Variants in RAB11FIP3 observed in about 807,000 individuals in gnomAD.
RAB11FIP3 encodes the protein RAB11 family interacting protein 3.
A neutral mutation model predicts 77.8 loss-of-function variants in RAB11FIP3; 17 were observed. The observed-to-expected ratio is 0.22, with a 90% CI of 0.15 to 0.33. The LOEUF is 0.33. Among genes scored for constraint, RAB11FIP3 ranks in the 10% least tolerant of loss-of-function variants. The probability of loss-of-function intolerance (pLI) is 1.00; values close to 1 mark genes in which losing one functional copy is unlikely to be tolerated. For synonymous variants in RAB11FIP3, 437 were observed against 448.2 expected, an observed-to-expected ratio of 0.98 and a Z score of 0.31; for missense variants, 1,005 against 1,011.2, an observed-to-expected ratio of 0.99 and a Z score of 0.08.
chr16:492,182 C>G (rs1250008474), intron 5 of RAB11FIP3, among the ~76,000 whole-genome samples: 1 of 152,220 alleles, frequency 6.6e-6, no homozygotes, highest in Non-Finnish European at 1.5e-5. Flanking sequence ...CCTCTAGTTC[C>G]ATTTCCAGGG....
chr16:458,248 A>G (rs754267715), intron 1 of RAB11FIP3, among the ~76,000 whole-genome samples: 8 of 152,234 alleles, frequency 5.3e-5, no homozygotes, highest in Non-Finnish European at 1.2e-4. Flanking sequence ...GGGCGATGCT[A>G]TAGCCTTGCT....
intron 1 of RAB11FIP3, among the ~76,000 whole-genome samples, chr16:442,215 C>T (rs560677492): frequency 7.2e-4 from 109 of 152,334 alleles, no homozygotes; most frequent in African/African-American, 2.3e-3. Context: ...GGCTCTGTCA[C>T]AGTCACTGCA....
rs1017095026 is a variant in RAB11FIP3, at chr16:514,687, G to A, written c.1640+3887G>A. Among the ~76,000 whole-genome samples, 6 of 152,212 alleles carry A rather than the reference G, an allele frequency of 3.9e-5. No individual in the cohort carries two copies. The highest frequency in any genetic ancestry group is 1.4e-4 in the African/African-American group (6 of 41,442). ...ACACAGGGCCCGGGAGAGGTTCTAG[G>A]AAAGGCCAGGTACCTCTGGGAGTGG... On this transcript the variant is annotated intron_variant, in intron 9 of 13. Transcript: ENST00000262305. The surrounding 1 kb of genome is among the most constrained non-coding windows in gnomAD (Gnocchi z 4.6).
intron 1 of RAB11FIP3, among the ~76,000 whole-genome samples, chr16:441,545 A>G (rs1218073770): frequency 6.6e-6 from 1 of 152,216 alleles, no homozygotes; most frequent in Non-Finnish European, 1.5e-5. Flanking sequence ...CAGTCATAAA[A>G]TAATCGCTAT....
chr16:426,450 C>T lies in RAB11FIP3; in HGVS notation c.444C>T (p.Ser148=). The part of the protein sequence containing the change: ...PESAPFRLQG[S]SSSHRARGEV... ...GCGCGCCTTTCCGCTTGCAGGGGTC[C>T]AGCAGCAGCCACCGAGCGCGGGGCG... The change falls in exon 1 of 14, where the codon TCC becomes TCT. Residue 148 remains serine, a synonymous_variant. Transcript: ENST00000262305. The surrounding 1 kb of genome is among the most constrained non-coding windows in gnomAD (Gnocchi z 5.0). 6.3e-7 allele frequency: 1 copy of T among 1,584,466 alleles called. No individual in the cohort carries two copies. Among genetic ancestry groups the T allele is most frequent in the South Asian group, 1.1e-5 (1 of 87,246 alleles).
At chr16:429,759 A>G (rs1414416799) in intron 1 of RAB11FIP3, among the ~76,000 whole-genome samples, 1 of 152,120 alleles carries the variant, frequency 6.6e-6, no homozygotes, top group African/African-American at 2.4e-5. Flanking sequence ...CGGCCTCCCA[A>G]AGTGCTGGGA....
Position 456,640 on chromosome 16 carries a change from C to T in RAB11FIP3, c.715-4764C>T, listed in dbSNP as rs368558620. Among the ~76,000 whole-genome samples, 6 of 151,988 alleles carry T rather than the reference C, an allele frequency of 3.9e-5. No individual in the cohort carries two copies. The East Asian group carries it at 9.6e-4, about 24-fold the overall frequency. ...GGGCATGGTGGAAGGTAGCTGTAAT[C>T]GCAACTACTTGGGAGGCTGAGGCAG... On this transcript the variant is annotated intron_variant, in intron 1 of 13. Coordinates refer to ENST00000262305, the MANE Select transcript of RAB11FIP3 (RefSeq NM_014700.4).
Position 492,394 on chromosome 16 carries a change from C to CCCGGGAGACCCGAGGCCGCCCAGAGCCCT in RAB11FIP3, c.1265+3396_1265+3397insGGGAGACCCGAGGCCGCCCAGAGCCCTCC. Among the ~76,000 whole-genome samples, 131 of 32,062 alleles carry CCCGGGAGACCCGAGGCCGCCCAGAGCCCT rather than the reference C, an allele frequency of 4.1e-3. 5 individuals carry two copies. Among genetic ancestry groups the CCCGGGAGACCCGAGGCCGCCCAGAGCCCT allele is most frequent in the Middle Eastern group, 0.019 (1 of 52 alleles). The allele number at this position is 32,062 out of a possible 152,430, so 21.0% of individuals were successfully genotyped here. On this transcript the variant is annotated intron_variant, in intron 5 of 13. Transcript: ENST00000262305. ...GAGACCCGAGGCCGCCCAGAGCCCT[C>CCCGGGAGACCCGAGGCCGCCCAGAGCCCT]CCCGGGAGACCCGAGGCCGCCCAGG...
At chr16:488,155 T>C (rs906044737) in intron 4 of RAB11FIP3, among the ~76,000 whole-genome samples, 4 of 152,032 alleles carry the variant, frequency 2.6e-5, no homozygotes, top group Non-Finnish European at 5.9e-5. Context: ...CCGAGGTGGG[T>C]GGATCACGAG....
rs908442986 is a variant in RAB11FIP3 at position 514,725 on chromosome 16, CT to C, written c.1640+3927del. Among the ~76,000 whole-genome samples the C allele has an allele frequency of 1.1e-3, 165 of 152,314 alleles. No homozygotes were observed. Among genetic ancestry groups the C allele is most frequent in the African/African-American group, 3.8e-3 (157 of 41,572 alleles). ...CCTCTGGGAGTGGGGCCCCCAGGGG[CT>C]TCCAGAAAGTATGGGAGCCCCTGGC... is the stretch of plus-strand genomic sequence containing the variant. On this transcript the variant is annotated intron_variant, in intron 9 of 13. Transcript: ENST00000262305. This position sits in a 1 kb window ranked among gnomAD's most constrained non-coding sequence, Gnocchi z 4.6.
rs149272706 is a variant in RAB11FIP3 at position 475,446 on chromosome 16, G to A, written c.903+4057G>A. 3.8e-3 allele frequency among the ~76,000 whole-genome samples: 584 copies of A among 152,290 alleles called. 3 individuals carry two copies. Among genetic ancestry groups the A allele is most frequent in the Middle Eastern group, 0.01 (3 of 294 alleles). On this transcript the variant is annotated intron_variant, in intron 3 of 13. Coordinates refer to ENST00000262305, the MANE Select transcript of RAB11FIP3 (RefSeq NM_014700.4). The stretch of plus-strand genomic sequence containing the variant: ...GCAAATAAAATAAACTGCCGGGGCC[G>A]GTGTGAGCTGTTACTGCATTTTATC...
In RAB11FIP3 at chr16:426,193, G is replaced by A; in HGVS notation, c.187G>A (p.Ala63Thr). The A allele has an allele frequency of 9.8e-7, 1 of 1,017,132 alleles. No individual in the cohort carries two copies. The allele number at this position is 1,017,132 out of a possible 1,614,324, so 63.0% of individuals were successfully genotyped here. A position where few individuals can be genotyped will look rare whatever the true frequency, so the allele number is the denominator to read the frequency against. The change falls in exon 1 of 14, where the codon GCT (alanine) becomes ACT (threonine). Residue 63 changes from alanine to threonine, a missense_variant. Around this residue, in one of 4 missense-constraint regions of RAB11FIP3, gnomAD observed 466 missense variants for 408.3 expected, o/e 1.14. Transcript: ENST00000262305. The surrounding 1 kb of genome is among the most constrained non-coding windows in gnomAD (Gnocchi z 5.0). Reference sequence around the variant, plus strand: ...CCTGGATGAGCCTGCGCCCGGGGCCGCTGCAGATGGCGGGGCGCGTTGGAG... The same window carrying A: ...CCTGGATGAGCCTGCGCCCGGGGCCACTGCAGATGGCGGGGCGCGTTGGAG... ...PGLDEPAPGA[A>T]ADGGARWSAG...
At position 520,970 on chromosome 16, in the gene RAB11FIP3, C is replaced by A. The variant is rs1313367520; in HGVS notation, c.*131C>A. ...CCAGAGCATGCAGGGAACCCTCGTG[C>A]AGCTGAGCTGGGGCCGCCAAAGACC... On this transcript the variant is annotated 3_prime_UTR_variant, in exon 14 of 14. Transcript: ENST00000262305. The A allele has an allele frequency of 3.9e-6, 3 of 762,094 alleles. No individual in the cohort carries two copies. The highest frequency in any genetic ancestry group is 6.7e-6 in the Non-Finnish European group (3 of 446,382). 47.2% of individuals were successfully genotyped at this position (762,094 alleles called of 1,614,324 possible). A position where few individuals can be genotyped will look rare whatever the true frequency, so the allele number is the denominator to read the frequency against.
At chr16:480,101 A>G (rs528342297) in intron 3 of RAB11FIP3, among the ~76,000 whole-genome samples, 1 of 152,176 alleles carries the variant, frequency 6.6e-6, no homozygotes, top group African/African-American at 2.4e-5. Flanking sequence ...GGCCTGGCCA[A>G]CGTGGTGAAA....
chr16:499,800 A>G (rs2031390939), intron 6 of RAB11FIP3, among the ~76,000 whole-genome samples: 1 of 151,384 alleles, frequency 6.6e-6, no homozygotes, highest in Non-Finnish European at 1.5e-5. Flanking sequence ...TGTCTCAAAA[A>G]AAAAAAAAAA....
chr16:492,251 C>T (rs1453879928), intron 5 of RAB11FIP3, among the ~76,000 whole-genome samples: 2 of 152,158 alleles, frequency 1.3e-5, no homozygotes, highest in Admixed American at 6.5e-5. Context: ...CCAGCCAGTG[C>T]CCATTCAGGT....
chr16:436,629 C>T (rs1248059832), intron 1 of RAB11FIP3, among the ~76,000 whole-genome samples: 2 of 152,096 alleles, frequency 1.3e-5, no homozygotes, highest in Non-Finnish European at 1.5e-5. Context: ...CTATAAATGC[C>T]TGCCAGCACA....
At chr16:486,208 G>A (rs2056150489) in intron 4 of RAB11FIP3, among the ~76,000 whole-genome samples, 1 of 152,132 alleles carries the variant, frequency 6.6e-6, no homozygotes, top group South Asian at 2.1e-4. Context: ...TAGTTTTTAA[G>A]CAGTATAACT....
At chr16:455,657 G>A (rs1037601232) in intron 1 of RAB11FIP3, among the ~76,000 whole-genome samples, 2 of 151,960 alleles carry the variant, frequency 1.3e-5, no homozygotes, top group Admixed American at 6.6e-5. Flanking sequence ...ATGCAGTGAC[G>A]CAATCATGGC....
Sources: allele counts gnomAD v4.1 joint callset (sites outside exome capture counted in the v4.1 genomes callset), GRCh38; gene constraint gnomAD v4.1.1; regional missense constraint gnomAD v4.1.1; non-coding constraint Gnocchi (gnomAD v3.1); transcripts MANE v1.5; gene names NCBI Gene and HGNC (gene_info 2026-07-23, HGNC 2026-07-21).